Variants in TMPRSS11D observed in about 807,000 individuals in gnomAD.
The protein encoded by TMPRSS11D is transmembrane serine protease 11D.
In TMPRSS11D, 32 loss-of-function variants were observed where a neutral mutation model predicts 44.4. That is an observed-to-expected ratio of 0.72 (90% CI 0.54 to 0.97). TMPRSS11D has a LOEUF of 0.97. Among genes scored for constraint, TMPRSS11D ranks in the 50% least tolerant of loss-of-function variants. The probability of loss-of-function intolerance (pLI) is 0.00; values close to 1 mark genes in which losing one functional copy is unlikely to be tolerated. For synonymous variants in TMPRSS11D, 179 were observed against 177.9 expected (o/e 1.01, Z -0.05); for missense variants, 446 against 502.6 (o/e 0.89, Z 1.08).
intron 8 of TMPRSS11D, among the ~76,000 whole-genome samples, chr4:67,826,455 A>T (rs546293516): frequency 1.3e-5 from 2 of 152,232 alleles, no homozygotes; most frequent in South Asian, 4.1e-4. Context: ...GAAATTGTCA[A>T]TGCTACCCTT....
chr4:67,863,328 CA>C (rs561420216), intron 1 of TMPRSS11D, among the ~76,000 whole-genome samples: 1,234 of 89,160 alleles, frequency 0.014, 22 homozygotes, highest in South Asian at 0.13. Context: ...TGGTCTTGCT[CA>C]AAAAAAAAAA....
At chr4:67,873,904 C>G (rs1346639955) in intron 1 of TMPRSS11D, among the ~76,000 whole-genome samples, 2 of 152,072 alleles carry the variant, frequency 1.3e-5, no homozygotes, top group Non-Finnish European at 2.9e-5. Flanking sequence ...ATGAAATGTT[C>G]AAAGCCTTAA....
intron 1 of TMPRSS11D, among the ~76,000 whole-genome samples, chr4:67,862,005 A>C (rs1718802817): frequency 6.6e-6 from 1 of 152,154 alleles, no homozygotes; most frequent in South Asian, 2.1e-4. Context: ...GTGAAAGAAA[A>C]TATATTGCTT....
chr4:67,832,716 G>T (rs1214553227), intron 7 of TMPRSS11D, among the ~76,000 whole-genome samples: 1 of 149,640 alleles, frequency 6.7e-6, no homozygotes, highest in Non-Finnish European at 1.5e-5. Flanking sequence ...TAATCTTTAT[G>T]AATGAATAAA....
intron 4 of TMPRSS11D, among the ~76,000 whole-genome samples, chr4:67,840,355 C>T (rs1718204238): frequency 6.6e-6 from 1 of 152,032 alleles, no homozygotes; most frequent in African/African-American, 2.4e-5. Context: ...TAATCACCTC[C>T]CACAAGGTCC....
intron 5 of TMPRSS11D, among the ~76,000 whole-genome samples, chr4:67,837,677 A>C (rs1255991921): frequency 6.6e-6 from 1 of 152,110 alleles, no homozygotes; most frequent in Non-Finnish European, 1.5e-5. Flanking sequence ...GGGTGGTAGG[A>C]GGGTAGTAGG....
intron 7 of TMPRSS11D, 75 bp downstream of exon 7, chr4:67,833,129 C>A (rs1717987146): frequency 8.0e-7 from 1 of 1,255,308 alleles, no homozygotes; most frequent in Non-Finnish European, 1.0e-6. Context: ...CAATTCAATC[C>A]TAGGGTAGAG....
chr4:67,865,585 A>C (rs1219498489), intron 1 of TMPRSS11D, among the ~76,000 whole-genome samples: 1 of 151,806 alleles, frequency 6.6e-6, no homozygotes, highest in African/African-American at 2.4e-5. Context: ...CGCTACCTAG[A>C]CTAGCCAAGA....
At position 67,838,279 on chromosome 4, in the gene TMPRSS11D, G is replaced by T. The variant is rs778236484; in HGVS notation, c.368C>A (p.Thr123Asn). The change falls in exon 5 of 10, where the codon ACT (threonine) becomes AAT (asparagine). Residue 123 changes from threonine (T) to asparagine (N), a missense_variant. By Grantham distance (65) the Thr-to-Asn change is moderately conservative. Transcript: ENST00000283916. ...RADVVMKFQF[T>N]RNNNGASMKS... is the part of the protein sequence containing the mutation. ...CATTGATGCTCCATTGTTATTTCTA[G>T]TGAATTGAAATTTCATGACAACATC... 1.3e-6 allele frequency: 2 copies of T among 1,598,112 alleles called. No homozygotes were observed. The highest frequency in any genetic ancestry group is 1.7e-6 in the Non-Finnish European group (2 of 1,173,436).
intron 1 of TMPRSS11D, among the ~76,000 whole-genome samples, chr4:67,874,726 T>C (rs1239896324): frequency 6.6e-6 from 1 of 152,154 alleles, no homozygotes; most frequent in African/African-American, 2.4e-5. Context: ...TCAACACATA[T>C]TGGGTGAAAT....
At chr4:67,850,491 G>A (rs930384191) in intron 3 of TMPRSS11D, among the ~76,000 whole-genome samples, 1 of 152,096 alleles carries the variant, frequency 6.6e-6, no homozygotes, top group South Asian at 2.1e-4. Context: ...AAAACTGCTG[G>A]GGGTGGGTGG....
intron 1 of TMPRSS11D, among the ~76,000 whole-genome samples, chr4:67,860,165 G>A (rs906429600): frequency 2.6e-5 from 4 of 152,060 alleles, no homozygotes; most frequent in Admixed American, 6.6e-5. Context: ...CAGGACGGTA[G>A]CATTTCTCAT....
chr4:67,857,745 G>A (rs993230560), intron 2 of TMPRSS11D, among the ~76,000 whole-genome samples: 1 of 152,106 alleles, frequency 6.6e-6, no homozygotes, highest in African/African-American at 2.4e-5. Flanking sequence ...AGAGAGGTTG[G>A]CTAACAGATA....
chr4:67,821,655 A>G lies in TMPRSS11D; in HGVS notation c.*682T>C, dbSNP rs773192386. On this transcript the variant is annotated 3_prime_UTR_variant, in exon 10 of 10. Transcript: ENST00000283916. ...TATTTTTCATGGGTCATCATGAAAAATATCTATAATTCTTTGGGTCTCAGT... is the reference window on the plus strand; with the variant it reads ...TATTTTTCATGGGTCATCATGAAAAGTATCTATAATTCTTTGGGTCTCAGT... 2.6e-5 allele frequency: 4 copies of G among 152,110 alleles called. No individual in the cohort carries two copies. The highest frequency in any genetic ancestry group is 1.3e-4 in the Admixed American group (2 of 15,270). The allele number at this position is 152,110 out of a possible 1,614,324, so 9.4% of individuals were successfully genotyped here.
At chr4:67,825,623 AG>A (rs1717771107) in intron 9 of TMPRSS11D, 108 bp downstream of exon 9, 10 of 1,156,372 alleles carry the variant, frequency 8.6e-6, no homozygotes, top group Non-Finnish European at 1.0e-5. Flanking sequence ...TTAGAGGAAC[AG>A]GGCTGTGTAT....
rs1336638526 is a variant in TMPRSS11D at position 67,821,726 on chromosome 4, A to T, written c.*611T>A. ...CTTTTGCCTTAAATAGCTGAAAATT[A>T]TCCACTATTTCCTATGGAAGCATGT... On this transcript the variant is annotated 3_prime_UTR_variant, in exon 10 of 10. Transcript: ENST00000283916. The T allele has an allele frequency of 6.6e-6, 1 of 152,160 alleles. No homozygotes were observed. Among genetic ancestry groups the T allele is most frequent in the Non-Finnish European group, 1.5e-5 (1 of 68,026 alleles). The allele number at this position is 152,160 out of a possible 1,614,324, so 9.4% of individuals were successfully genotyped here. A position where few individuals can be genotyped will look rare whatever the true frequency, so the allele number is the denominator to read the frequency against.
intron 6 of TMPRSS11D, among the ~76,000 whole-genome samples, chr4:67,834,798 G>A (rs971457826): frequency 2.0e-5 from 3 of 152,128 alleles, no homozygotes; most frequent in Admixed American, 6.6e-5. Context: ...GCAGTAAAAG[G>A]TTCTCAAAGC....
At chr4:67,827,014 G>A (rs1305964432) in intron 8 of TMPRSS11D, among the ~76,000 whole-genome samples, 2 of 151,996 alleles carry the variant, frequency 1.3e-5, no homozygotes, top group East Asian at 1.9e-4. Context: ...TAAAGAACTC[G>A]TGTCTTCATA....
chr4:67,824,304 C>T (rs1439707349), intron 9 of TMPRSS11D, among the ~76,000 whole-genome samples: 4 of 151,604 alleles, frequency 2.6e-5, no homozygotes, highest in South Asian at 2.1e-4. Flanking sequence ...AGGTAAGGGA[C>T]GTTATAAATG....
Sources: allele counts gnomAD v4.1 joint callset (sites outside exome capture counted in the v4.1 genomes callset), GRCh38; gene constraint gnomAD v4.1.1; transcripts MANE v1.5; gene names NCBI Gene and HGNC (gene_info 2026-07-23, HGNC 2026-07-21).